The following CHD6 variants were observed in gnomAD, a reference collection of about 807,000 sequenced individuals.
CHD6 encodes the protein chromodomain helicase DNA binding protein 6.
Under a neutral mutation model 276.9 loss-of-function variants are expected in CHD6, and 50 were observed. The ratio of observed to expected loss-of-function variants is 0.18; its 90% confidence interval spans 0.14 to 0.23. The LOEUF (loss-of-function observed/expected upper bound fraction) is 0.23, where lower values mean the gene tolerates loss of function less well. Among genes scored for constraint, CHD6 ranks in the 10% least tolerant of loss-of-function variants. The pLI is 1.00. For synonymous variants in CHD6, 1,173 were observed against 1,229.3 expected (o/e 0.95, Z 0.96); for missense variants, 2,564 against 3,365.8 (o/e 0.76, Z 5.89).
In CHD6 at chr20:41,423,484, T is replaced by C. The variant is rs1362141054; in HGVS notation, c.4555+8A>G. On this transcript the variant is annotated splice_region_variant and intron_variant, in intron 30 of 36. Transcript: ENST00000373233. ...TATCATCTGACAATATACTGATAGT[T>C]TTCTCACCGCCATCTTTCCATGTGG... The C allele has an allele frequency of 1.9e-6, 3 of 1,612,664 alleles. No individual in the cohort carries two copies. The highest frequency in any genetic ancestry group is 2.7e-5 in the African/African-American group (2 of 74,908).
intron 2 of CHD6, among the ~76,000 whole-genome samples, chr20:41,537,572 A>G (rs1190559996): frequency 1.3e-5 from 2 of 152,222 alleles, no homozygotes; most frequent in Non-Finnish European, 2.9e-5. Context: ...CCAGAATAGG[A>G]GAAAATATTT....
chr20:41,451,408 A>G (rs2048235499), intron 22 of CHD6, among the ~76,000 whole-genome samples: 1 of 152,222 alleles, frequency 6.6e-6, no homozygotes. Flanking sequence ...CCTGGCTGGG[A>G]GAAAAGGAAC....
chr20:41,596,275 G>A (rs1312554166), intron 1 of CHD6, among the ~76,000 whole-genome samples: 2 of 152,164 alleles, frequency 1.3e-5, no homozygotes, highest in African/African-American at 4.8e-5. Flanking sequence ...GCCACGTGGA[G>A]GAATGGGAAT....
At chr20:41,590,939 A>C (rs2146260951) in intron 1 of CHD6, among the ~76,000 whole-genome samples, 1 of 151,564 alleles carries the variant, frequency 6.6e-6, no homozygotes, top group African/African-American at 2.4e-5. Context: ...TATTCACAAT[A>C]GCAAAGATTT....
At chr20:41,445,459 A>G (rs2048036371) in intron 25 of CHD6, among the ~76,000 whole-genome samples, 1 of 152,224 alleles carries the variant, frequency 6.6e-6, no homozygotes, top group Non-Finnish European at 1.5e-5. Flanking sequence ...TTCCTCAATA[A>G]TATAAAATTC....
chr20:41,456,394 T>C (rs1281012909), intron 18 of CHD6, among the ~76,000 whole-genome samples: 2 of 151,916 alleles, frequency 1.3e-5, no homozygotes, highest in Non-Finnish European at 2.9e-5. Flanking sequence ...TAAATATGTA[T>C]ATTAGTATTG....
chr20:41,481,918 A>G (rs1419346703), intron 16 of CHD6, among the ~76,000 whole-genome samples: 3 of 152,124 alleles, frequency 2.0e-5, no homozygotes, highest in Admixed American at 2.0e-4. Context: ...AAAGCTAAAC[A>G]TATTTATGCA....
intron 17 of CHD6, among the ~76,000 whole-genome samples, chr20:41,470,432 T>C (rs2043027899): frequency 6.6e-6 from 1 of 152,180 alleles, no homozygotes; most frequent in South Asian, 2.1e-4. Flanking sequence ...TGCATTCTCC[T>C]TACGAACTCC....
chr20:41,455,248 C>T (rs1359268763), intron 19 of CHD6, among the ~76,000 whole-genome samples: 1 of 152,174 alleles, frequency 6.6e-6, no homozygotes, highest in Non-Finnish European at 1.5e-5. Flanking sequence ...AAACAGGTCA[C>T]AAAGCTCACA....
At chr20:41,555,514 T>C (rs2045218634) in intron 1 of CHD6, among the ~76,000 whole-genome samples, 1 of 147,120 alleles carries the variant, frequency 6.8e-6, no homozygotes, top group South Asian at 2.2e-4. Context: ...ACTTCTCAGA[T>C]GGGGCTCCTC....
At position 41,598,528 on chromosome 20, in the gene CHD6, G is replaced by A. The variant is rs75334903; in HGVS notation, c.-24+19812C>T. On this transcript the variant is annotated intron_variant, in intron 1 of 36. Transcript: ENST00000373233. ...CCCCTTTCTACTTGGATGGTCCTCCGACCAACAGGGTATGAGCTGTATGGT... is the reference window on the plus strand; with the variant it reads ...CCCCTTTCTACTTGGATGGTCCTCCAACCAACAGGGTATGAGCTGTATGGT... Among the ~76,000 whole-genome samples, 306 of 152,156 alleles carry A rather than the reference G, an allele frequency of 2.0e-3. 3 individuals carry two copies. In the East Asian group the frequency reaches 0.043, roughly 21 times the overall value.
chr20:41,415,654 C>A lies in CHD6; in HGVS notation c.6487-16G>T. The A allele has an allele frequency of 6.5e-7, 1 of 1,546,358 alleles. No individual in the cohort carries two copies. The highest frequency in any genetic ancestry group is 8.7e-7 in the Non-Finnish European group (1 of 1,149,214). On this transcript the variant is annotated splice_polypyrimidine_tract_variant and intron_variant, in intron 33 of 36. Transcript: ENST00000373233. ...AGAAGCTCTCCTGTGAACACACAAACAGCAAGAGAGGTCTGAATGTCACAC... is the reference window on the plus strand; with the variant it reads ...AGAAGCTCTCCTGTGAACACACAAAAAGCAAGAGAGGTCTGAATGTCACAC...
intron 3 of CHD6, among the ~76,000 whole-genome samples, chr20:41,520,189 G>A (rs942162905): frequency 1.3e-5 from 2 of 152,192 alleles, no homozygotes; most frequent in Non-Finnish European, 1.5e-5. Flanking sequence ...TGGAGAGGAT[G>A]TGGAGAAATA....
At chr20:41,595,523 G>A (rs2045708408) in intron 1 of CHD6, among the ~76,000 whole-genome samples, 1 of 152,112 alleles carries the variant, frequency 6.6e-6, no homozygotes, top group African/African-American at 2.4e-5. Flanking sequence ...AGCCTCCAGA[G>A]AAAGGGTGCA....
chr20:41,511,733 C>A (rs567699140), intron 5 of CHD6, among the ~76,000 whole-genome samples: 2 of 152,288 alleles, frequency 1.3e-5, no homozygotes, highest in East Asian at 3.9e-4. Context: ...TCACAGCCTG[C>A]GGTGCCATTC....
chr20:41,548,581 T>C lies in CHD6; in HGVS notation c.33+2724A>G, dbSNP rs149067596. Among the ~76,000 whole-genome samples the C allele has an allele frequency of 6.4e-3, 968 of 152,286 alleles. 9 individuals carry two copies. Among genetic ancestry groups the C allele is most frequent in the Middle Eastern group, 0.024 (7 of 294 alleles). On this transcript the variant is annotated intron_variant, in intron 2 of 36. Transcript: ENST00000373233. ...GGCAATACCATGCAGGACATAGGCA[T>C]AGGCAAGGACTTCATGTCTAAAACA...
chr20:41,415,691 T>C (rs2046975200), intron 33 of CHD6, 53 bp from the exon 34 acceptor site: 1 of 1,346,292 alleles, frequency 7.4e-7, no homozygotes, highest in Admixed American at 2.2e-5. Flanking sequence ...AGTGGCTGAA[T>C]GCTAGCTCTT....
Position 41,403,244 on chromosome 20 carries a change from G to A in CHD6, c.*1349C>T, listed in dbSNP as rs1219038381. 3.8e-6 allele frequency: 4 copies of A among 1,060,066 alleles called. No homozygotes were observed. The highest frequency in any genetic ancestry group is 1.1e-4 in the Admixed American group (2 of 18,610). The allele number at this position is 1,060,066 out of a possible 1,614,324, so 65.7% of individuals were successfully genotyped here. A position where few individuals can be genotyped will look rare whatever the true frequency, so the allele number is the denominator to read the frequency against. ...TAGTAACACTTGCAACATTTCCAAG[G>A]GTCCTGCGCAGCCCTGCGCCCCCAG... is the stretch of plus-strand genomic sequence containing the variant. On this transcript the variant is annotated 3_prime_UTR_variant, in exon 37 of 37. Coordinates refer to ENST00000373233, the MANE Select transcript of CHD6 (RefSeq NM_032221.5).
Position 41,404,585 on chromosome 20 carries a change from A to G in CHD6, c.*8T>C. The G allele has an allele frequency of 1.4e-6, 2 of 1,469,502 alleles. No homozygotes were observed. The highest frequency in any genetic ancestry group is 1.6e-5 in the South Asian group (1 of 60,896). The allele number at this position is 1,469,502 out of a possible 1,614,324, so 91.0% of individuals were successfully genotyped here. ...CAAGTCACAATAATTTCTTAAATGA[A>G]AAAAGTTCTAATTGGTGTCGTTGTT... is the stretch of plus-strand genomic sequence containing the variant. On this transcript the variant is annotated 3_prime_UTR_variant, in exon 37 of 37. Coordinates refer to ENST00000373233, the MANE Select transcript of CHD6 (RefSeq NM_032221.5).
Sources: gnomAD v4.1 joint callset for allele counts (sites outside exome capture counted in the v4.1 genomes callset) on GRCh38, gnomAD v4.1.1 for gene constraint, MANE v1.5 for transcripts, NCBI Gene and HGNC (gene_info 2026-07-23, HGNC 2026-07-21) for gene names.